RNLS: variants seen among roughly 807,000 people sequenced by gnomAD.
The protein encoded by RNLS is renalase, FAD dependent amine oxidase.
Under a neutral mutation model 39.8 loss-of-function variants are expected in RNLS, and 39 were observed. That is an observed-to-expected ratio of 0.98 (90% CI 0.76 to 1.28). RNLS has a LOEUF of 1.28. RNLS is among the 50% of genes most tolerant of loss of function. The probability of loss-of-function intolerance (pLI) is 0.00; values close to 1 mark genes in which losing one functional copy is unlikely to be tolerated. For missense variants in RNLS, 410 were observed against 413.3 expected, an observed-to-expected ratio of 0.99 and a Z score of 0.07; for synonymous variants, 147 against 150.7, an observed-to-expected ratio of 0.98 and a Z score of 0.18.
intron 4 of RNLS, among the ~76,000 whole-genome samples, chr10:88,509,299 C>A (rs77595083): frequency 0.031 from 4,717 of 152,170 alleles, 111 homozygotes; most frequent in Non-Finnish European, 0.05. Flanking sequence ...CAGAATTGCA[C>A]TTGTCTGTGA....
intron 4 of RNLS, among the ~76,000 whole-genome samples, chr10:88,408,660 T>C (rs1210193615): frequency 6.6e-6 from 1 of 152,132 alleles, no homozygotes; most frequent in Non-Finnish European, 1.5e-5. Flanking sequence ...TTTTATATAA[T>C]GCAATTTATT....
chr10:88,273,564 T>G (rs530620130), downstream of RNLS, among the ~76,000 whole-genome samples: 8 of 152,328 alleles, frequency 5.3e-5, no homozygotes, highest in African/African-American at 1.9e-4. Context: ...CTATTAGAAT[T>G]TATTCAGCCA....
the RNLS span, among the ~76,000 whole-genome samples, chr10:88,222,767 G>C: frequency 6.6e-6 from 1 of 152,160 alleles, no homozygotes; most frequent in African/African-American, 2.4e-5. Context: ...CTGTCCACAA[G>C]ACTGTGGGGA....
At chr10:88,177,461 A>G in the RNLS span, among the ~76,000 whole-genome samples, 4 of 152,094 alleles carry the variant, frequency 2.6e-5, no homozygotes, top group Admixed American at 2.6e-4. Flanking sequence ...TCTCTGTTGA[A>G]TTTCTTATTC....
chr10:88,177,957 C>T, the RNLS span, among the ~76,000 whole-genome samples: 1 of 152,192 alleles, frequency 6.6e-6, no homozygotes, highest in African/African-American at 2.4e-5. Flanking sequence ...TGTGGGCATG[C>T]AGCATCCCTG....
chr10:88,262,675 T>G, the RNLS span, among the ~76,000 whole-genome samples: 1 of 152,204 alleles, frequency 6.6e-6, no homozygotes, highest in South Asian at 2.1e-4. Context: ...ATTTCAAAAT[T>G]TGTAACCCAG....
intron 4 of RNLS, among the ~76,000 whole-genome samples, chr10:88,494,728 A>G (rs2134080034): frequency 6.6e-6 from 1 of 152,254 alleles, no homozygotes; most frequent in African/African-American, 2.4e-5. Context: ...TGTGGTACCA[A>G]TGTTCACCAA....
the RNLS span, among the ~76,000 whole-genome samples, chr10:88,237,291 T>TCCTC: frequency 7.1e-6 from 1 of 140,384 alleles, no homozygotes; most frequent in East Asian, 2.3e-4. Flanking sequence ...TCCTTTTCCT[T>TCCTC]CCTCCCTCCC....
chr10:88,359,531 TA>T (rs1192186412), intron 5 of RNLS, among the ~76,000 whole-genome samples: 3 of 152,218 alleles, frequency 2.0e-5, no homozygotes, highest in Non-Finnish European at 4.4e-5. Flanking sequence ...TCACTTAATT[TA>T]AAACTCGCAT....
chr10:88,205,831 G>A, the RNLS span, among the ~76,000 whole-genome samples: 1 of 152,170 alleles, frequency 6.6e-6, no homozygotes, highest in South Asian at 2.1e-4. Flanking sequence ...AAGAGGAGAT[G>A]AAGGAGACTC....
chr10:88,360,377 CAT>C (rs1480257628), intron 5 of RNLS, among the ~76,000 whole-genome samples: 1 of 152,122 alleles, frequency 6.6e-6, no homozygotes, highest in African/African-American at 2.4e-5. Context: ...GCCTGTGGCA[CAT>C]GAGGAGAAGT....
chr10:88,521,304 T>C (rs534125731), intron 4 of RNLS, among the ~76,000 whole-genome samples: 8 of 152,164 alleles, frequency 5.3e-5, no homozygotes, highest in Admixed American at 2.0e-4. Context: ...GATTGGATGA[T>C]TGGAGCAATG....
intron 4 of RNLS, among the ~76,000 whole-genome samples, chr10:88,457,249 G>T (rs1842681770): frequency 6.6e-6 from 1 of 152,168 alleles, no homozygotes; most frequent in Non-Finnish European, 1.5e-5. Context: ...CAACAAAATT[G>T]CTGTACCTCC....
intron 4 of RNLS, among the ~76,000 whole-genome samples, chr10:88,535,799 A>C (rs757247851): frequency 1.3e-5 from 2 of 152,196 alleles, no homozygotes; most frequent in Non-Finnish European, 2.9e-5. Context: ...GAGGAACCAC[A>C]GCTAGGATTC....
chr10:88,402,374 G>C lies in RNLS; in HGVS notation c.527-39649C>G, dbSNP rs563604291. Among the ~76,000 whole-genome samples, 5 of 151,762 alleles carry C rather than the reference G, an allele frequency of 3.3e-5. No homozygotes were observed. In the East Asian group the frequency reaches 9.7e-4, roughly 30 times the overall value. On this transcript the variant is annotated intron_variant, in intron 4 of 6. Coordinates refer to ENST00000331772, the MANE Select transcript of RNLS (RefSeq NM_001031709.3). ...ATGAAACAGAACAAATACTAAACTT[G>C]TTTTTTAAAAGAAATATGATCGATA...
chr10:88,263,784 G>A, the RNLS span, among the ~76,000 whole-genome samples: 1 of 152,096 alleles, frequency 6.6e-6, no homozygotes, highest in African/African-American at 2.4e-5. Context: ...ATTCTCATCT[G>A]TCCAAGGAGA....
At chr10:88,315,845 T>C (rs1035097785) in intron 5 of RNLS, among the ~76,000 whole-genome samples, 6 of 151,164 alleles carry the variant, frequency 4.0e-5, no homozygotes, top group African/African-American at 9.7e-5. Flanking sequence ...TTAAATAACA[T>C]AGTACACATG....
chr10:88,436,604 A>G (rs1841428551), intron 4 of RNLS, among the ~76,000 whole-genome samples: 1 of 152,202 alleles, frequency 6.6e-6, no homozygotes, highest in Non-Finnish European at 1.5e-5. Flanking sequence ...CAGGATACAG[A>G]CCATTATATG....
intron 6 of RNLS, among the ~76,000 whole-genome samples, chr10:88,285,894 A>G (rs1350971527): frequency 6.6e-6 from 1 of 152,066 alleles, no homozygotes; most frequent in Non-Finnish European, 1.5e-5. Context: ...TGATTAGATC[A>G]TGGGCAAACT....
Sources: allele counts gnomAD v4.1 joint callset (sites outside exome capture counted in the v4.1 genomes callset), GRCh38; gene constraint gnomAD v4.1.1; transcripts MANE v1.5; gene names NCBI Gene and HGNC (gene_info 2026-07-23, HGNC 2026-07-21).